Variants in CDYL observed in about 807,000 individuals in gnomAD.
The protein encoded by CDYL is chromodomain Y-like protein.
CDYL carries 8 observed loss-of-function variants against 47.3 expected under a neutral mutation model. That is an observed-to-expected ratio of 0.17 (90% CI 0.10 to 0.31). The LOEUF (loss-of-function observed/expected upper bound fraction) is 0.31, where lower values mean the gene tolerates loss of function less well. Among genes scored for constraint, CDYL ranks in the 10% least tolerant of loss-of-function variants. The pLI, the probability that CDYL is intolerant of heterozygous loss-of-function variation, is 1.00. For missense variants in CDYL, 471 were observed against 701.4 expected (o/e 0.67, Z 3.71); for synonymous variants, 266 against 265.0 (o/e 1.00, Z -0.04).
intron 2 of CDYL, among the ~76,000 whole-genome samples, chr6:4,900,911 C>T (rs1335998320): frequency 6.8e-6 from 1 of 147,180 alleles, no homozygotes; most frequent in Non-Finnish European, 1.5e-5. Flanking sequence ...CCAGGGACTA[C>T]ACTGATCTTC....
In CDYL at chr6:4,885,840, T is replaced by C. The variant is rs1291439128; in HGVS notation, c.25-5873T>C. Among the ~76,000 whole-genome samples the C allele has an allele frequency of 2.6e-5, 4 of 152,176 alleles. No homozygotes were observed. In the East Asian group the frequency reaches 5.8e-4, roughly 22 times the overall value. On this transcript the variant is annotated intron_variant, in intron 1 of 6. Transcript: ENST00000397588. ...TACAGTTTTGTGTCCGTCACCACAG[T>C]TGAGTTTTGTACATTTTCATCACCT...
intron 2 of CDYL, among the ~76,000 whole-genome samples, chr6:4,729,931 G>A (rs1757576250): frequency 6.6e-6 from 1 of 152,110 alleles, no homozygotes; most frequent in Non-Finnish European, 1.5e-5. Flanking sequence ...AAAAAAGGTA[G>A]AGACAATAGT....
chr6:4,925,469 T>A (rs1275359673), intron 2 of CDYL, among the ~76,000 whole-genome samples: 2 of 140,186 alleles, frequency 1.4e-5, no homozygotes, highest in Admixed American at 1.6e-4. Flanking sequence ...TGGAGTGCAG[T>A]GGCACGATCT....
chr6:4,792,721 C>G (rs1758961090), intron 1 of CDYL, among the ~76,000 whole-genome samples: 1 of 152,108 alleles, frequency 6.6e-6, no homozygotes, highest in Non-Finnish European at 1.5e-5. Flanking sequence ...CAGGCATGAG[C>G]CACCGCGCCT....
intron 1 of CDYL, among the ~76,000 whole-genome samples, chr6:4,710,824 T>C (rs1417840071): frequency 1.3e-5 from 2 of 152,064 alleles, no homozygotes. Flanking sequence ...CCTTTCTAAA[T>C]CCCTGTGGTT....
intron 5 of CDYL, among the ~76,000 whole-genome samples, chr6:4,947,972 T>C (rs2127527550): frequency 6.6e-6 from 1 of 152,288 alleles, no homozygotes; most frequent in Admixed American, 6.5e-5. Flanking sequence ...GGGTGGCTTA[T>C]CCAAGTCATT....
rs374323088 is a variant in CDYL, at chr6:4,819,162, C to CTGTG, written c.24+42373_24+42376dup. On this transcript the variant is annotated intron_variant, in intron 1 of 6. Transcript: ENST00000397588. ...TCTCTCTCTCTCTCTCTCTCTCTCT[C>CTGTG]TGTGTGTGTGTGTGTGTGTGTAGCT... Among the ~76,000 whole-genome samples, 193 of 111,944 alleles carry CTGTG rather than the reference C, an allele frequency of 1.7e-3. 2 individuals carry two copies. The highest frequency in any genetic ancestry group is 2.4e-3 in the Non-Finnish European group (140 of 58,598). The allele number at this position is 111,944 out of a possible 152,430, so 73.4% of individuals were successfully genotyped here. A position where few individuals can be genotyped will look rare whatever the true frequency, so the allele number is the denominator to read the frequency against.
intron 1 of CDYL, among the ~76,000 whole-genome samples, chr6:4,886,327 TG>T (rs1761899432): frequency 6.6e-6 from 1 of 152,196 alleles, no homozygotes; most frequent in Admixed American, 6.5e-5. Context: ...CCAATGTGGC[TG>T]TACCATTTTA....
chr6:4,848,242 G>A (rs186028026), intron 1 of CDYL, among the ~76,000 whole-genome samples: 1 of 152,286 alleles, frequency 6.6e-6, no homozygotes, highest in Admixed American at 6.5e-5. Context: ...ATAATTAGTA[G>A]TGTCTGACAA....
chr6:4,788,855 C>T (rs867649820), intron 1 of CDYL, among the ~76,000 whole-genome samples: 14 of 152,150 alleles, frequency 9.2e-5, no homozygotes, highest in Middle Eastern at 3.4e-3. Flanking sequence ...TCCCCGCAGG[C>T]TTTGCTCTGC....
intron 1 of CDYL, among the ~76,000 whole-genome samples, chr6:4,811,608 CTTTTT>C (rs397975784): frequency 2.4e-5 from 3 of 126,724 alleles, no homozygotes; most frequent in Non-Finnish European, 3.4e-5. Context: ...TGACATTATT[CTTTTT>C]TTTTTTTTTT....
chr6:4,732,546 T>C (rs551588952), intron 2 of CDYL, among the ~76,000 whole-genome samples: 2 of 147,090 alleles, frequency 1.4e-5, no homozygotes, highest in African/African-American at 5.0e-5. Flanking sequence ...CCTGCAGTCA[T>C]AGCTACTCAG....
intron 2 of CDYL, among the ~76,000 whole-genome samples, chr6:4,730,820 A>G (rs1757592596): frequency 1.3e-5 from 2 of 151,992 alleles, no homozygotes; most frequent in Admixed American, 1.3e-4. Context: ...AGCTCTTTAC[A>G]CAGTTGCAAT....
rs966163955 is a variant in CDYL, at chr6:4,776,915, C to A, written c.24+108C>A. The A allele has an allele frequency of 8.3e-4, 291 of 351,634 alleles. 2 individuals carry two copies. Among genetic ancestry groups the A allele is most frequent in the Middle Eastern group, 1.4e-3 (1 of 724 alleles). 21.8% of individuals were successfully genotyped at this position (351,634 alleles called of 1,614,324 possible). The stretch of plus-strand genomic sequence containing the variant: ...GCCGCCCGCGCCCGCCGCGTCCCCT[C>A]CCCCGCCGCGGCCGCAGTTTGCTGG... On this transcript the variant is annotated intron_variant, in intron 1 of 6. Coordinates refer to ENST00000397588, the MANE Select transcript of CDYL (RefSeq NM_004824.4).
intron 3 of CDYL, among the ~76,000 whole-genome samples, chr6:4,764,409 C>T (rs529861195): frequency 3.3e-5 from 5 of 152,200 alleles, no homozygotes; most frequent in African/African-American, 1.2e-4. Flanking sequence ...CCTGCCTCAG[C>T]CTCCTGAGTA....
At chr6:4,928,850 T>C (rs1336111385) in intron 2 of CDYL, 1 of 152,230 alleles carries the variant, frequency 6.6e-6, no homozygotes, top group African/African-American at 2.4e-5. Flanking sequence ...TAAGATACTT[T>C]AATATATTTG....
At chr6:4,892,502 C>G in intron 2 of CDYL, 123 bp downstream of exon 2, 1 of 1,051,126 alleles carries the variant, frequency 9.5e-7, no homozygotes, top group African/African-American at 1.6e-5. Flanking sequence ...TGGAGCCTTG[C>G]AGAGATTTCG....
intron 3 of CDYL, among the ~76,000 whole-genome samples, chr6:4,762,876 A>G (rs1758197624): frequency 6.6e-6 from 1 of 152,164 alleles, no homozygotes; most frequent in African/African-American, 2.4e-5. Flanking sequence ...CAGCAATAAT[A>G]AGAGATAATG....
chr6:4,863,753 G>T (rs1761240525), intron 1 of CDYL, among the ~76,000 whole-genome samples: 1 of 152,226 alleles, frequency 6.6e-6, no homozygotes. Flanking sequence ...CATATTTAAT[G>T]CAGAAGCTGA....
Sources: allele counts gnomAD v4.1 joint callset (sites outside exome capture counted in the v4.1 genomes callset), GRCh38; gene constraint gnomAD v4.1.1; transcripts MANE v1.5; gene names NCBI Gene and HGNC (gene_info 2026-07-23, HGNC 2026-07-21).